The following GALNT18 variants were observed in gnomAD, a reference collection of about 807,000 sequenced individuals.
GALNT18 encodes the protein polypeptide N-acetylgalactosaminyltransferase 18.
A neutral mutation model predicts 69.5 loss-of-function variants in GALNT18; 44 were observed. The observed-to-expected ratio is 0.63, with a 90% confidence interval of 0.50 to 0.81. GALNT18 has a LOEUF of 0.81. Among genes scored for constraint, GALNT18 ranks in the 40% least tolerant of loss-of-function variants. The probability of loss-of-function intolerance (pLI) is 0.00; values close to 1 mark genes in which losing one functional copy is unlikely to be tolerated. For synonymous variants in GALNT18, 364 were observed against 318.2 expected (o/e 1.14, Z -1.53); for missense variants, 715 against 810.0 (o/e 0.88, Z 1.42).
intron 1 of GALNT18, among the ~76,000 whole-genome samples, chr11:11,491,371 A>G (rs1171438244): frequency 2.0e-5 from 3 of 152,222 alleles, no homozygotes; most frequent in Non-Finnish European, 2.9e-5. Context: ...CCGGGTTCAG[A>G]GCACCAATCT....
chr11:11,444,605 A>AG lies in GALNT18; in HGVS notation c.428+4138_428+4139insC, dbSNP rs1214491244. On this transcript the variant is annotated intron_variant, in intron 2 of 10. Coordinates refer to ENST00000227756, the MANE Select transcript of GALNT18 (RefSeq NM_198516.3). The surrounding 1 kb of genome is among the most constrained non-coding windows in gnomAD (Gnocchi z 4.4). Reference sequence around the variant, plus strand: ...TAAGGCACTGGCACAGCATGGTCCTATCTCAGCCACATGACAAGCTGGGTC... The same window carrying AG: ...TAAGGCACTGGCACAGCATGGTCCTAGTCTCAGCCACATGACAAGCTGGGTC... Among the ~76,000 whole-genome samples, 11 of 152,290 alleles carry AG rather than the reference A, an allele frequency of 7.2e-5. No individual in the cohort carries two copies. The East Asian group carries it at 1.9e-3, about 27-fold the overall frequency.
chr11:11,531,785 C>T (rs1857654416), intron 1 of GALNT18, among the ~76,000 whole-genome samples: 2 of 152,186 alleles, frequency 1.3e-5, no homozygotes. Flanking sequence ...GGTCTCTCAC[C>T]CTCTCTTACT....
At position 11,293,692 on chromosome 11, in the gene GALNT18, C is replaced by A. The variant is rs899866584; in HGVS notation, c.1513-499G>T. On this transcript the variant is annotated intron_variant, in intron 9 of 10. Coordinates refer to ENST00000227756, the MANE Select transcript of GALNT18 (RefSeq NM_198516.3). ...GAGTAGCTGGGATTACAGATGCGCA[C>A]CACCATGCCCGGCTAATTTTTGTAT... Among the ~76,000 whole-genome samples, 4 of 152,092 alleles carry A rather than the reference C, an allele frequency of 2.6e-5. No individual in the cohort carries two copies. In the East Asian group the frequency reaches 7.7e-4, roughly 29 times the overall value.
chr11:11,297,261 T>G lies in GALNT18; in HGVS notation c.1513-4068A>C, dbSNP rs75981215. Among the ~76,000 whole-genome samples the G allele has an allele frequency of 2.1e-3, 321 of 152,312 alleles. 1 individual carries two copies. Among genetic ancestry groups the G allele is most frequent in the African/African-American group, 7.1e-3 (294 of 41,554 alleles). The stretch of plus-strand genomic sequence containing the variant: ...CCCCAACTTAAGGTATAATAAAAGC[T>G]AACATGTTTTTACCTCTTACACTGT... On this transcript the variant is annotated intron_variant, in intron 9 of 10. Coordinates refer to ENST00000227756, the MANE Select transcript of GALNT18 (RefSeq NM_198516.3).
intron 6 of GALNT18, among the ~76,000 whole-genome samples, chr11:11,371,905 C>A (rs1850916316): frequency 1.3e-5 from 2 of 152,202 alleles, no homozygotes; most frequent in African/African-American, 4.8e-5. Context: ...CTTGGGGATC[C>A]ATGCCATGAG....
At chr11:11,357,514 C>T (rs1469429636) in intron 6 of GALNT18, among the ~76,000 whole-genome samples, 1 of 152,232 alleles carries the variant, frequency 6.6e-6, no homozygotes, top group Non-Finnish European at 1.5e-5. Flanking sequence ...TATCACTTCC[C>T]CTTGACTCCA....
chr11:11,286,662 T>G lies in GALNT18; in HGVS notation c.1677+6367A>C, dbSNP rs1263993243. Among the ~76,000 whole-genome samples, 5 of 152,302 alleles carry G rather than the reference T, an allele frequency of 3.3e-5. No individual in the cohort carries two copies. In the East Asian group the frequency reaches 7.7e-4, roughly 24 times the overall value. ...AGACTCCTTCATTTGATCAACAGCATGCTGGGTGCTGCCTCTGTCTCTGGC... is the reference window on the plus strand; with the variant it reads ...AGACTCCTTCATTTGATCAACAGCAGGCTGGGTGCTGCCTCTGTCTCTGGC... On this transcript the variant is annotated intron_variant, in intron 10 of 10. Transcript: ENST00000227756.
intron 10 of GALNT18, among the ~76,000 whole-genome samples, chr11:11,279,503 A>G (rs1195237601): frequency 2.6e-5 from 4 of 152,334 alleles, no homozygotes; most frequent in South Asian, 4.1e-4. Flanking sequence ...TAACCTGGAG[A>G]TAACTCAAAC....
At chr11:11,513,560 G>A (rs1020564348) in intron 1 of GALNT18, among the ~76,000 whole-genome samples, 1 of 152,170 alleles carries the variant, frequency 6.6e-6, no homozygotes, top group Admixed American at 6.5e-5. Flanking sequence ...TTCCCAGAAT[G>A]GAAAGCCTTG....
At chr11:11,346,804 T>C (rs1850312310) in intron 6 of GALNT18, among the ~76,000 whole-genome samples, 1 of 152,176 alleles carries the variant, frequency 6.6e-6, no homozygotes, top group African/African-American at 2.4e-5. Flanking sequence ...TTATCGCTTC[T>C]GAAGAGGCTT....
chr11:11,343,791 A>G (rs1005127818), intron 6 of GALNT18, among the ~76,000 whole-genome samples: 2 of 152,164 alleles, frequency 1.3e-5, no homozygotes, highest in African/African-American at 4.8e-5. Flanking sequence ...TTATTACAAG[A>G]CCTGCTTCTT....
rs1860122720 is a variant in GALNT18, at chr11:11,618,957, C to T, written c.235+2402G>A. Among the ~76,000 whole-genome samples, 2 of 152,176 alleles carry T rather than the reference C, an allele frequency of 1.3e-5. No homozygotes were observed. The highest frequency in any genetic ancestry group is 4.8e-5 in the African/African-American group (2 of 41,448). ...CAGCTTGTACCATCAAGCACAAGAG[C>T]TTGATCTTATTGTCCTTTACCACCC... On this transcript the variant is annotated intron_variant, in intron 1 of 10. Coordinates refer to ENST00000227756, the MANE Select transcript of GALNT18 (RefSeq NM_198516.3). This position sits in a 1 kb window ranked among gnomAD's most constrained non-coding sequence, Gnocchi z 6.1.
intron 3 of GALNT18, among the ~76,000 whole-genome samples, chr11:11,418,968 C>T (rs1238625199): frequency 6.6e-6 from 1 of 152,198 alleles, no homozygotes; most frequent in Non-Finnish European, 1.5e-5. Flanking sequence ...TGGGAGGGAC[C>T]TACACAGTGA....
rs974416916 is a variant in GALNT18, at chr11:11,439,998, C to G, written c.429-7211G>C. Among the ~76,000 whole-genome samples the G allele has an allele frequency of 6.6e-6, 1 of 152,298 alleles. No individual in the cohort carries two copies. Among genetic ancestry groups the G allele is most frequent in the Middle Eastern group, 3.4e-3 (1 of 294 alleles). ...AATGGACATCTGCGAACTGGGAGTT[C>G]TGCAATGCAGGAGAAATCGGCCAGA... On this transcript the variant is annotated intron_variant, in intron 2 of 10. Transcript: ENST00000227756. The surrounding 1 kb of genome is among the most constrained non-coding windows in gnomAD (Gnocchi z 4.4).
chr11:11,599,042 A>T (rs948285375), intron 1 of GALNT18, among the ~76,000 whole-genome samples: 1 of 151,662 alleles, frequency 6.6e-6, no homozygotes, highest in African/African-American at 2.4e-5. Context: ...TTTTCCATAT[A>T]TGCTTGAAAA....
intron 2 of GALNT18, among the ~76,000 whole-genome samples, chr11:11,438,516 C>A (rs535102734): frequency 6.6e-6 from 1 of 152,126 alleles, no homozygotes; most frequent in African/African-American, 2.4e-5. Flanking sequence ...TCTACAATTC[C>A]GTACGGTAAA....
At chr11:11,539,089 C>T (rs939046130) in intron 1 of GALNT18, among the ~76,000 whole-genome samples, 3 of 152,218 alleles carry the variant, frequency 2.0e-5, no homozygotes, top group African/African-American at 7.2e-5. Context: ...AATTCAGTCG[C>T]TGAACAAATG....
chr11:11,492,743 T>G (rs2133887458), intron 1 of GALNT18, among the ~76,000 whole-genome samples: 1 of 35,028 alleles, frequency 2.9e-5, no homozygotes, highest in Non-Finnish European at 5.2e-5. Flanking sequence ...CCGGGGCCTT[T>G]CGGGGGGTGG....
At chr11:11,544,237 C>T (rs759687824) in intron 1 of GALNT18, among the ~76,000 whole-genome samples, 1 of 152,174 alleles carries the variant, frequency 6.6e-6, no homozygotes, top group Admixed American at 6.5e-5. Flanking sequence ...GGGGACCCAA[C>T]CTTCAGTACA....
Sources: gnomAD v4.1 joint callset for allele counts (sites outside exome capture counted in the v4.1 genomes callset) on GRCh38, gnomAD v4.1.1 for gene constraint, Gnocchi (gnomAD v3.1) non-coding constraint, MANE v1.5 for transcripts, NCBI Gene and HGNC (gene_info 2026-07-23, HGNC 2026-07-21) for gene names.